The following SGMS1 variants were observed in gnomAD, a reference collection of about 807,000 sequenced individuals.
SGMS1 encodes sphingomyelin synthase 1, also known as phosphatidylcholine:ceramide cholinephosphotransferase 1.
In SGMS1, 13 loss-of-function variants were observed where a neutral mutation model predicts 46.2. The ratio of observed to expected loss-of-function variants is 0.28; its 90% CI spans 0.18 to 0.45. The LOEUF (loss-of-function observed/expected upper bound fraction) is 0.45, where lower values mean the gene tolerates loss of function less well. Ranked by LOEUF, SGMS1 falls within the 20% of genes least tolerant of loss-of-function variation. The pLI is 1.00. For synonymous variants in SGMS1, 203 were observed against 187.8 expected, an observed-to-expected ratio of 1.08 and a Z score of -0.66; for missense variants, 324 against 519.9, an observed-to-expected ratio of 0.62 and a Z score of 3.66.
intron 1 of SGMS1, among the ~76,000 whole-genome samples, chr10:50,601,256 G>A (rs1838647396): frequency 6.6e-6 from 1 of 152,206 alleles, no homozygotes; most frequent in African/African-American, 2.4e-5. Flanking sequence ...GTTCTGTCTT[G>A]ATGACTAAGA....
chr10:50,501,705 G>A (rs1010852989), intron 3 of SGMS1, among the ~76,000 whole-genome samples: 1 of 152,136 alleles, frequency 6.6e-6, no homozygotes, highest in African/African-American at 2.4e-5. Context: ...TCTGAGTCCT[G>A]ATAGGGCGTT....
intron 6 of SGMS1, among the ~76,000 whole-genome samples, chr10:50,406,751 C>T (rs1849021629): frequency 6.7e-6 from 1 of 148,906 alleles, no homozygotes; most frequent in Admixed American, 6.8e-5. Flanking sequence ...ATCACCCAGG[C>T]TGGAGTGCAG....
intron 5 of SGMS1, among the ~76,000 whole-genome samples, chr10:50,440,191 T>C (rs1028017317): frequency 6.6e-6 from 1 of 151,592 alleles, no homozygotes; most frequent in African/African-American, 2.4e-5. Context: ...CAATGAGAGG[T>C]ATCAATAAAA....
chr10:50,515,775 GA>G (rs1360765033), intron 3 of SGMS1, among the ~76,000 whole-genome samples: 2 of 152,146 alleles, frequency 1.3e-5, no homozygotes, highest in Non-Finnish European at 2.9e-5. Context: ...TGACCGCCAA[GA>G]AAAACCCAAG....
chr10:50,347,710 C>T (rs1847937176), intron 6 of SGMS1, among the ~76,000 whole-genome samples: 1 of 152,108 alleles, frequency 6.6e-6, no homozygotes, highest in Non-Finnish European at 1.5e-5. Flanking sequence ...CTTCATTTCC[C>T]CCTTGCCCAG....
intron 7 of SGMS1, among the ~76,000 whole-genome samples, chr10:50,341,958 C>T (rs1338550199): frequency 6.6e-6 from 1 of 152,096 alleles, no homozygotes; most frequent in East Asian, 1.9e-4. Context: ...TGATTCGTAA[C>T]TGTTAAGACT....
At chr10:50,578,601 T>C (rs1401439610) in intron 2 of SGMS1, among the ~76,000 whole-genome samples, 3 of 152,138 alleles carry the variant, frequency 2.0e-5, no homozygotes, top group Non-Finnish European at 4.4e-5. Flanking sequence ...CATCTAAATA[T>C]ATACCATGCT....
intron 6 of SGMS1, among the ~76,000 whole-genome samples, chr10:50,344,554 A>G (rs1449805142): frequency 6.6e-6 from 1 of 152,196 alleles, no homozygotes; most frequent in Non-Finnish European, 1.5e-5. Flanking sequence ...GGATGTTGTC[A>G]AAGGAGACAT....
intron 1 of SGMS1, among the ~76,000 whole-genome samples, chr10:50,621,522 T>C (rs750294933): frequency 2.6e-4 from 39 of 150,386 alleles, no homozygotes; most frequent in Non-Finnish European, 4.0e-4. Context: ...TCTTCTGTTA[T>C]GAAGAATTTT....
intron 3 of SGMS1, among the ~76,000 whole-genome samples, chr10:50,509,970 C>A (rs1485789315): frequency 6.6e-6 from 1 of 152,266 alleles, no homozygotes; most frequent in East Asian, 1.9e-4. Context: ...TTTTGACAAA[C>A]ACACACAGTC....
At chr10:50,399,779 A>G (rs1287377817) in intron 6 of SGMS1, among the ~76,000 whole-genome samples, 3 of 152,172 alleles carry the variant, frequency 2.0e-5, no homozygotes, top group Non-Finnish European at 4.4e-5. Context: ...CTGTAATCCC[A>G]GCACTTTGGG....
chr10:50,624,254 T>C (rs975658418), upstream of SGMS1: 11 of 419,546 alleles, frequency 2.6e-5, no homozygotes, highest in African/African-American at 2.4e-4. Flanking sequence ...GTAAATCCCT[T>C]GGGGCAGGGC....
In SGMS1 at chr10:50,344,017, C is replaced by A; in HGVS notation, c.98G>T (p.Gly33Val). The A allele has an allele frequency of 6.2e-7, 1 of 1,614,140 alleles. No individual in the cohort carries two copies. The highest frequency in any genetic ancestry group is 8.5e-7 in the Non-Finnish European group (1 of 1,180,036). The change falls in exon 7 of 11, where the codon GGC (glycine) becomes GTC (valine). Residue 33 changes from glycine to valine, a missense_variant. Around this residue, in one of 2 missense-constraint regions of SGMS1, gnomAD observed 150 missense variants for 169.8 expected, o/e 0.88. Transcript: ENST00000361781. The stretch of plus-strand genomic sequence containing the variant: ...TTGGGTTAGGTTGATCAAGTCCTGG[C>A]CTGTGAAATGCTCCAGAGGCTCACA... ...EYCEPLEHFTGQDLINLTQED... is the reference protein window; with the variant it reads ...EYCEPLEHFTVQDLINLTQED...
rs148557491 is a variant in SGMS1 at position 50,598,088 on chromosome 10, G to A, written c.-683-7841C>T. On this transcript the variant is annotated intron_variant, in intron 1 of 10. Transcript: ENST00000361781. ...TGCTTGTGCTCCCCTCCCCCGCCCC[G>A]CCCCACAAAATTCATATGTTGAAAC... 1.0e-2 allele frequency among the ~76,000 whole-genome samples: 864 copies of A among 86,746 alleles called. 6 individuals carry two copies. The highest frequency in any genetic ancestry group is 0.035 in the African/African-American group (819 of 23,346). 56.9% of individuals were successfully genotyped at this position (86,746 alleles called of 152,430 possible).
At chr10:50,474,903 T>C (rs578018650) in intron 3 of SGMS1, among the ~76,000 whole-genome samples, 21 of 152,304 alleles carry the variant, frequency 1.4e-4, no homozygotes, top group Admixed American at 8.5e-4. Flanking sequence ...AAATAAGATA[T>C]TGGATATATA....
At chr10:50,560,173 T>G (rs942873011) in intron 2 of SGMS1, among the ~76,000 whole-genome samples, 5 of 146,218 alleles carry the variant, frequency 3.4e-5, no homozygotes, top group Non-Finnish European at 6.0e-5. Context: ...TATTATACAT[T>G]ACATATATCA....
chr10:50,582,280 G>T (rs971769512), intron 2 of SGMS1, among the ~76,000 whole-genome samples: 1 of 152,132 alleles, frequency 6.6e-6, no homozygotes, highest in Non-Finnish European at 1.5e-5. Flanking sequence ...CTCCCTAGAT[G>T]TCTGGGCCAT....
At chr10:50,585,072 T>C (rs1364725117) in intron 2 of SGMS1, among the ~76,000 whole-genome samples, 1 of 152,184 alleles carries the variant, frequency 6.6e-6, no homozygotes, top group Non-Finnish European at 1.5e-5. Flanking sequence ...TTCCTTAATG[T>C]AAAAAAATAC....
At chr10:50,320,986 T>G (rs545780360) in intron 8 of SGMS1, among the ~76,000 whole-genome samples, 1 of 152,342 alleles carries the variant, frequency 6.6e-6, no homozygotes, top group African/African-American at 2.4e-5. Flanking sequence ...GCGCTTGTCT[T>G]ATATATTGTG....
Sources: allele counts gnomAD v4.1 joint callset (sites outside exome capture counted in the v4.1 genomes callset), GRCh38; gene constraint gnomAD v4.1.1; regional missense constraint gnomAD v4.1.1; transcripts MANE v1.5; gene names NCBI Gene and HGNC (gene_info 2026-07-23, HGNC 2026-07-21).